KRT8: variants seen among roughly 807,000 people sequenced by gnomAD.
KRT8 encodes the protein keratin, type II cytoskeletal 8.
A neutral mutation model predicts 43.0 loss-of-function variants in KRT8; 24 were observed. The observed-to-expected ratio is 0.56, with a 90% CI of 0.40 to 0.78. The LOEUF is 0.78. Among genes scored for constraint, KRT8 ranks in the 30% least tolerant of loss-of-function variants. KRT8 has a pLI of 0.00. For synonymous variants in KRT8, 214 were observed against 261.2 expected, an observed-to-expected ratio of 0.82 and a Z score of 1.74; for missense variants, 492 against 638.4, an observed-to-expected ratio of 0.77 and a Z score of 2.47.
upstream of KRT8, among the ~76,000 whole-genome samples, chr12:52,905,732 CACACACACACACAT>C (rs59988304): frequency 0.15 from 12,783 of 84,824 alleles, 650 homozygotes; most frequent in East Asian, 0.39. Flanking sequence ...CACACACACA[CACACACACACACAT>C]ACACATACAC....
At chr12:52,938,170 ATT>A (rs780140219) in intron 2 of KRT8, among the ~76,000 whole-genome samples, 3 of 30,302 alleles carry the variant, frequency 9.9e-5, no homozygotes, top group African/African-American at 2.9e-4. Context: ...ATATATATAT[ATT>A]TTTTTTTTTT....
Position 52,901,154 on chromosome 12 carries a change from C to T in KRT8, c.594+5G>A. 1 of 1,595,776 alleles carries T rather than the reference C, an allele frequency of 6.3e-7. No individual in the cohort carries two copies. Among genetic ancestry groups the T allele is most frequent in the East Asian group, 2.2e-5 (1 of 44,812 alleles). ...GTCCAGATAGGAGAAGGGAGACTCC[C>T]TCACCTTCTTGATGAGGACAAATTC... On this transcript the variant is annotated splice_donor_5th_base_variant and intron_variant, in intron 3 of 7. Transcript: ENST00000692008.
chr12:52,939,399 G>A (rs1942230602), intron 2 of KRT8, among the ~76,000 whole-genome samples: 1 of 152,060 alleles, frequency 6.6e-6, no homozygotes, highest in Admixed American at 6.6e-5. Context: ...AGCTACTTGG[G>A]AGGCTGAGAC....
intron 2 of KRT8, among the ~76,000 whole-genome samples, chr12:52,934,219 A>T (rs1224162466): frequency 6.6e-6 from 1 of 151,074 alleles, no homozygotes; most frequent in East Asian, 2.0e-4. Context: ...ACAGAGTGAA[A>T]CTTCATCTCA....
At chr12:52,921,529 C>A (rs953834156) in intron 2 of KRT8, among the ~76,000 whole-genome samples, 1 of 152,098 alleles carries the variant, frequency 6.6e-6, no homozygotes, top group African/African-American at 2.4e-5. Context: ...ACTGCCAGCT[C>A]CTGCACAAAC....
chr12:52,942,864 C>A (rs887309936), intron 2 of KRT8, among the ~76,000 whole-genome samples: 11 of 151,990 alleles, frequency 7.2e-5, no homozygotes, highest in African/African-American at 2.7e-4. Context: ...CCTAATGTGC[C>A]ACGGTGTCCT....
chr12:52,945,421 C>T (rs1179622545), intron 2 of KRT8, among the ~76,000 whole-genome samples: 1 of 152,206 alleles, frequency 6.6e-6, no homozygotes, highest in Non-Finnish European at 1.5e-5. Context: ...TAGACCCCAT[C>T]CTTACACCTC....
intron 2 of KRT8, among the ~76,000 whole-genome samples, chr12:52,917,415 A>G (rs1156490461): frequency 2.0e-5 from 3 of 151,654 alleles, no homozygotes; most frequent in East Asian, 3.9e-4. Flanking sequence ...AAAAAAAGAA[A>G]AAAAAGAAAA....
intron 2 of KRT8, among the ~76,000 whole-genome samples, chr12:52,933,570 A>T (rs919089990): frequency 1.3e-5 from 2 of 152,196 alleles, no homozygotes; most frequent in African/African-American, 4.8e-5. Flanking sequence ...GATTCTAATA[A>T]TGTAGACAAA....
chr12:52,920,286 G>GA (rs1941855880), intron 2 of KRT8, among the ~76,000 whole-genome samples: 1 of 152,124 alleles, frequency 6.6e-6, no homozygotes, highest in African/African-American at 2.4e-5. Context: ...AGACTTGGGG[G>GA]ACCTCTCCCC....
At chr12:52,916,293 G>T (rs960381263) in intron 2 of KRT8, among the ~76,000 whole-genome samples, 3 of 152,222 alleles carry the variant, frequency 2.0e-5, no homozygotes, top group Non-Finnish European at 2.9e-5. Context: ...CAGAAAGCAG[G>T]TCTGGAGGCC....
In KRT8 at chr12:52,938,165, TATATA is replaced by T. The variant is rs1396148785; in HGVS notation, c.-47+11286_-47+11290del. On this transcript the variant is annotated intron_variant, in intron 2 of 6. Coordinates refer to the KRT8 transcript ENST00000546826. ...ATATATATATATATATATATATATA[TATATA>T]TTTTTTTTTTTTTTTATATATAAGG... 9.8e-3 allele frequency among the ~76,000 whole-genome samples: 387 copies of T among 39,638 alleles called. 7 individuals are homozygous for T. The highest frequency in any genetic ancestry group is 0.054 in the African/African-American group (328 of 6,066). 26.0% of individuals were successfully genotyped at this position (39,638 alleles called of 152,430 possible). A position where few individuals can be genotyped will look rare whatever the true frequency, so the allele number is the denominator to read the frequency against.
chr12:52,934,644 G>A (rs1942136639), intron 2 of KRT8, among the ~76,000 whole-genome samples: 1 of 152,020 alleles, frequency 6.6e-6, no homozygotes, highest in Admixed American at 6.6e-5. Flanking sequence ...CCATAAAGCT[G>A]CAGTAATCAA....
At chr12:52,943,129 C>A (rs1403349844) in intron 2 of KRT8, among the ~76,000 whole-genome samples, 1 of 152,226 alleles carries the variant, frequency 6.6e-6, no homozygotes, top group Non-Finnish European at 1.5e-5. Flanking sequence ...CTTTACTAAA[C>A]TGTCTCATCC....
chr12:52,936,305 G>A (rs1942169160), intron 2 of KRT8, among the ~76,000 whole-genome samples: 1 of 151,920 alleles, frequency 6.6e-6, no homozygotes, highest in African/African-American at 2.4e-5. Flanking sequence ...GTGACCTTGA[G>A]ATAGGCAAAG....
intron 2 of KRT8, among the ~76,000 whole-genome samples, chr12:52,919,850 G>A (rs1237076527): frequency 6.6e-6 from 1 of 152,060 alleles, no homozygotes; most frequent in Non-Finnish European, 1.5e-5. Flanking sequence ...GTTTCACCAT[G>A]TAGGCCAGGC....
exon 2 of KRT8, chr12:52,902,024 G>A (rs1431281990): frequency 1.2e-6 from 2 of 1,603,540 alleles, no homozygotes; most frequent in South Asian, 1.1e-5. Context: ...TGCTGCAGGA[G>A]GCTCCACTTG....
At chr12:52,915,124 A>G (rs578260603) in intron 2 of KRT8, among the ~76,000 whole-genome samples, 1 of 152,338 alleles carries the variant, frequency 6.6e-6, no homozygotes, top group South Asian at 2.1e-4. Context: ...CTGTAATCCC[A>G]GCTCTTTGGG....
At chr12:52,948,838 A>T in intron 2 of KRT8, 1 of 413,312 alleles carries the variant, frequency 2.4e-6, no homozygotes, top group East Asian at 3.6e-5. Flanking sequence ...CCTGGGGGAG[A>T]AGAGCATAAT....
Sources: allele counts gnomAD v4.1 joint callset (sites outside exome capture counted in the v4.1 genomes callset), GRCh38; gene constraint gnomAD v4.1.1; transcripts MANE v1.5; gene names NCBI Gene and HGNC (gene_info 2026-07-23, HGNC 2026-07-21).